OTUD7A: variants seen among roughly 807,000 people sequenced by gnomAD.
OTUD7A encodes OTU deubiquitinase 7A.
In OTUD7A, 12 loss-of-function variants were observed where a neutral mutation model predicts 65.7. The ratio of observed to expected loss-of-function variants is 0.18; its 90% CI spans 0.12 to 0.30. OTUD7A has a LOEUF of 0.30. OTUD7A is among the 10% of genes least tolerant of loss of function. OTUD7A has a pLI of 1.00. For missense variants in OTUD7A, 1,148 were observed against 1,304.8 expected (o/e 0.88, Z 1.85); for synonymous variants, 641 against 586.3 (o/e 1.09, Z -1.35).
At chr15:31,769,894 G>C (rs1316019504) in intron 1 of OTUD7A, among the ~76,000 whole-genome samples, 1 of 152,064 alleles carries the variant, frequency 6.6e-6, no homozygotes, top group African/African-American at 2.4e-5. Flanking sequence ...TTGTGATAGT[G>C]GTTAAATAAA....
At position 31,548,034 on chromosome 15, in the gene OTUD7A, C is replaced by A. The variant is rs369082469; in HGVS notation, c.550+10935G>T. 3.0e-4 allele frequency among the ~76,000 whole-genome samples: 46 copies of A among 152,144 alleles called. No individual in the cohort carries two copies. The South Asian group carries it at 9.4e-3, about 31-fold the overall frequency. ...CTTCTTGCCACGCTTGGTCTGAAGT[C>A]TCCTGGGCTTGTGAACTGTTCTTCT... On this transcript the variant is annotated intron_variant, in intron 5 of 12. Coordinates refer to ENST00000307050, the MANE Select transcript of OTUD7A (RefSeq NM_001382637.1).
chr15:31,785,477 T>A (rs781128931), intron 1 of OTUD7A, among the ~76,000 whole-genome samples: 1 of 152,180 alleles, frequency 6.6e-6, no homozygotes, highest in Non-Finnish European at 1.5e-5. Context: ...TGTGTCCCAT[T>A]TCCAGACCTG....
chr15:31,593,660 G>C (rs1889818977), intron 3 of OTUD7A, among the ~76,000 whole-genome samples: 1 of 152,152 alleles, frequency 6.6e-6, no homozygotes, highest in Non-Finnish European at 1.5e-5. Context: ...GCGGGGCTGG[G>C]CTGTAGGGCG....
At chr15:31,651,701 T>C (rs1020320434) in intron 3 of OTUD7A, among the ~76,000 whole-genome samples, 2 of 152,162 alleles carry the variant, frequency 1.3e-5, no homozygotes, top group Non-Finnish European at 2.9e-5. Context: ...TATATTTCTG[T>C]ATATTGCCAA....
intron 3 of OTUD7A, among the ~76,000 whole-genome samples, chr15:31,629,702 G>A (rs964936645): frequency 9.2e-5 from 14 of 152,088 alleles, no homozygotes; most frequent in South Asian, 4.1e-4. Flanking sequence ...GGTAGAATTC[G>A]GCTGTGAATC....
chr15:31,813,891 G>A (rs1896483996), intron 1 of OTUD7A, among the ~76,000 whole-genome samples: 1 of 152,182 alleles, frequency 6.6e-6, no homozygotes, highest in Non-Finnish European at 1.5e-5. Context: ...GTTCACCTGA[G>A]AATGCTTGAA....
At chr15:31,539,181 C>T (rs1887903186) in intron 5 of OTUD7A, among the ~76,000 whole-genome samples, 1 of 152,060 alleles carries the variant, frequency 6.6e-6, no homozygotes, top group Non-Finnish European at 1.5e-5. Context: ...TTATCCCATT[C>T]CTCCCATATT....
chr15:31,787,282 G>T (rs1335859849), intron 1 of OTUD7A, among the ~76,000 whole-genome samples: 3 of 152,166 alleles, frequency 2.0e-5, no homozygotes, highest in Admixed American at 1.3e-4. Context: ...AGGGCTAATT[G>T]GTTACCTTGG....
chr15:31,585,663 GA>G (rs528273683), intron 3 of OTUD7A, among the ~76,000 whole-genome samples: 15 of 152,188 alleles, frequency 9.9e-5, no homozygotes, highest in Non-Finnish European at 1.8e-4. Flanking sequence ...GTGGTGGTCT[GA>G]AAATCCTTCT....
At chr15:31,638,189 C>T (rs1891396916) in intron 3 of OTUD7A, among the ~76,000 whole-genome samples, 1 of 152,038 alleles carries the variant, frequency 6.6e-6, no homozygotes, top group Non-Finnish European at 1.5e-5. Flanking sequence ...GCAATCACCA[C>T]CCTGATCAGT....
rs150006936 is a variant in OTUD7A at position 31,489,594 on chromosome 15, G to A, written c.1172-2028C>T. 3.0e-3 allele frequency among the ~76,000 whole-genome samples: 451 copies of A among 152,210 alleles called. 2 individuals carry two copies. The highest frequency in any genetic ancestry group is 1.0e-2 in the African/African-American group (415 of 41,520). On this transcript the variant is annotated intron_variant, in intron 10 of 12. Transcript: ENST00000307050. ...GCTGGGTGATGTGCTCAGGCATGGG[G>A]GTGTCTCTCCCCACTCCCCTTCCAT...
intron 1 of OTUD7A, among the ~76,000 whole-genome samples, chr15:31,800,500 G>A (rs1259777631): frequency 6.6e-6 from 1 of 152,152 alleles, no homozygotes; most frequent in Non-Finnish European, 1.5e-5. Context: ...GGATGCTGTG[G>A]GGCCATCAGG....
At chr15:31,760,129 A>G (rs1009253579) in intron 1 of OTUD7A, among the ~76,000 whole-genome samples, 4 of 152,170 alleles carry the variant, frequency 2.6e-5, no homozygotes, top group Non-Finnish European at 1.5e-5. Flanking sequence ...TACTCCACAC[A>G]GTGGTCTAAT....
chr15:31,784,327 T>C (rs541551319), intron 1 of OTUD7A, among the ~76,000 whole-genome samples: 1 of 152,308 alleles, frequency 6.6e-6, no homozygotes, highest in East Asian at 1.9e-4. Context: ...AGTATGAGGT[T>C]AGACTTGCTT....
chr15:31,514,356 C>CATTT (rs1438730916), intron 8 of OTUD7A, among the ~76,000 whole-genome samples: 1 of 152,262 alleles, frequency 6.6e-6, no homozygotes, highest in African/African-American at 2.4e-5. Context: ...CAGCTCCCAT[C>CATTT]ATTTCTTAGA....
chr15:31,784,120 A>G (rs1483286436), intron 1 of OTUD7A, among the ~76,000 whole-genome samples: 1 of 152,268 alleles, frequency 6.6e-6, no homozygotes, highest in Non-Finnish European at 1.5e-5. Context: ...GTTACAGATC[A>G]TATGTAGATA....
chr15:31,564,387 G>GTTTTTTTTTTTTTTTT lies in OTUD7A; in HGVS notation c.332-5201_332-5200insAAAAAAAAAAAAAAAA, dbSNP rs398026753. 6.1e-4 allele frequency among the ~76,000 whole-genome samples: 73 copies of GTTTTTTTTTTTTTTTT among 119,882 alleles called. 6 individuals carry two copies. Among genetic ancestry groups the GTTTTTTTTTTTTTTTT allele is most frequent in the South Asian group, 1.6e-3 (6 of 3,814 alleles). 78.6% of individuals were successfully genotyped at this position (119,882 alleles called of 152,430 possible). A position where few individuals can be genotyped will look rare whatever the true frequency, so the allele number is the denominator to read the frequency against. ...TTTTTGGAAGTAGTCTTTGAGGAAG[G>GTTTTTTTTTTTTTTTT]TTTTTTTTTTTTTAGCAAAAGAGAA... On this transcript the variant is annotated intron_variant, in intron 4 of 12. Transcript: ENST00000307050.
chr15:31,653,294 T>C (rs1891894899), intron 3 of OTUD7A, among the ~76,000 whole-genome samples: 2 of 151,806 alleles, frequency 1.3e-5, no homozygotes, highest in Admixed American at 1.3e-4. Flanking sequence ...ATTAAAACTA[T>C]ATTCACAAAA....
At position 31,640,721 on chromosome 15, in the gene OTUD7A, T is replaced by C. The variant is rs144314363; in HGVS notation, c.151+14375A>G. Among the ~76,000 whole-genome samples the C allele has an allele frequency of 6.4e-4, 97 of 152,242 alleles. No individual in the cohort carries two copies. In the East Asian group the frequency reaches 7.1e-3, roughly 11 times the overall value. Reference sequence around the variant, plus strand: ...ATTCTCTACATTAAAAAAACTACTTTATTGTATATATTAAGGTATATGATA... The same window carrying C: ...ATTCTCTACATTAAAAAAACTACTTCATTGTATATATTAAGGTATATGATA... On this transcript the variant is annotated intron_variant, in intron 3 of 12. Coordinates refer to ENST00000307050, the MANE Select transcript of OTUD7A (RefSeq NM_001382637.1).
Sources: allele counts gnomAD v4.1 joint callset (sites outside exome capture counted in the v4.1 genomes callset), GRCh38; gene constraint gnomAD v4.1.1; transcripts MANE v1.5; gene names NCBI Gene and HGNC (gene_info 2026-07-23, HGNC 2026-07-21).